Variants in KALRN observed in about 807,000 individuals in gnomAD.
KALRN encodes the protein kalirin RhoGEF kinase.
KALRN carries 70 observed loss-of-function variants against 353.7 expected under a neutral mutation model. The ratio of observed to expected loss-of-function variants is 0.20; its 90% CI spans 0.16 to 0.24. KALRN has a LOEUF of 0.24. Among genes scored for constraint, KALRN ranks in the 10% least tolerant of loss-of-function variants. The pLI is 1.00. For synonymous variants in KALRN, 1,391 were observed against 1,434.8 expected, an observed-to-expected ratio of 0.97 and a Z score of 0.69; for missense variants, 2,791 against 3,756.7, an observed-to-expected ratio of 0.74 and a Z score of 6.72.
intron 1 of KALRN, among the ~76,000 whole-genome samples, chr3:124,182,405 A>G (rs976957725): frequency 6.6e-6 from 1 of 152,150 alleles, no homozygotes; most frequent in African/African-American, 2.4e-5. Context: ...CAGTTCCTCA[A>G]GGGTTTTGGG....
intron 47 of KALRN, among the ~76,000 whole-genome samples, chr3:124,671,005 G>A (rs1042400830): frequency 2.6e-4 from 40 of 152,110 alleles, no homozygotes; most frequent in Admixed American, 2.3e-3. Context: ...CACTGGTCCC[G>A]CTCTCCTAGA....
chr3:124,425,005 C>T (rs1489460662), intron 15 of KALRN, among the ~76,000 whole-genome samples: 1 of 152,128 alleles, frequency 6.6e-6, no homozygotes, highest in African/African-American at 2.4e-5. Context: ...GAAATAGAAG[C>T]CCTCCAACAT....
At chr3:124,290,420 C>T (rs900845312) in intron 5 of KALRN, among the ~76,000 whole-genome samples, 12 of 152,054 alleles carry the variant, frequency 7.9e-5, no homozygotes, top group Non-Finnish European at 1.6e-4. Context: ...TAAAAGCAAC[C>T]ATATTTTAAG....
intron 51 of KALRN, among the ~76,000 whole-genome samples, chr3:124,692,479 G>A (rs1169241707): frequency 6.6e-6 from 1 of 152,232 alleles, no homozygotes; most frequent in Non-Finnish European, 1.5e-5. Context: ...ACAAAGATAT[G>A]CATACATACA....
chr3:124,488,005 G>T (rs570164903), intron 28 of KALRN, among the ~76,000 whole-genome samples, 199 bp from the exon 29 acceptor site: 2 of 152,170 alleles, frequency 1.3e-5, no homozygotes, highest in Non-Finnish European at 2.9e-5. Context: ...GCTAGATTGG[G>T]CTGAGAATGC....
At chr3:124,049,961 G>A (rs558578646) in intron 1 of KALRN, among the ~76,000 whole-genome samples, 2 of 152,254 alleles carry the variant, frequency 1.3e-5, no homozygotes, top group Admixed American at 6.5e-5. Context: ...TCTTTTGGAT[G>A]ACTATTTCAT....
intron 1 of KALRN, among the ~76,000 whole-genome samples, chr3:124,192,348 G>A (rs2075010110): frequency 6.6e-6 from 1 of 152,102 alleles, no homozygotes; most frequent in Admixed American, 6.5e-5. Context: ...TGAACATAGA[G>A]AGTACAAGGA....
At chr3:124,287,815 A>G (rs369889755) in intron 5 of KALRN, among the ~76,000 whole-genome samples, 36 of 23,966 alleles carry the variant, frequency 1.5e-3, no homozygotes, top group South Asian at 2.8e-3. Context: ...ATATATATAT[A>G]TATATATATA....
intron 1 of KALRN, among the ~76,000 whole-genome samples, chr3:124,075,917 G>C (rs546739089): frequency 2.6e-5 from 4 of 152,198 alleles, no homozygotes; most frequent in Non-Finnish European, 4.4e-5. Flanking sequence ...TCTGAGGCTT[G>C]TGCTCTGAGT....
At chr3:124,330,284 A>ACC (rs1224114415) in intron 8 of KALRN, among the ~76,000 whole-genome samples, 11 of 134,048 alleles carry the variant, frequency 8.2e-5, no homozygotes, top group African/African-American at 3.1e-4. Context: ...ACACACACAC[A>ACC]CACCCCATAC....
chr3:124,386,844 GC>G (rs1225769354), intron 11 of KALRN, among the ~76,000 whole-genome samples: 2 of 152,124 alleles, frequency 1.3e-5, no homozygotes, highest in Non-Finnish European at 2.9e-5. Flanking sequence ...CCTATTACTT[GC>G]CAGACACATA....
chr3:124,399,463 AGACTCTTACTT>A lies in KALRN; in HGVS notation c.2346+594_2346+604del, dbSNP rs545914405. Among the ~76,000 whole-genome samples the A allele has an allele frequency of 3.7e-4, 56 of 152,310 alleles. 2 individuals carry two copies. In the East Asian group the frequency reaches 8.5e-3, roughly 23 times the overall value. On this transcript the variant is annotated intron_variant, in intron 13 of 59. Coordinates refer to ENST00000682506, the MANE Select transcript of KALRN (RefSeq NM_001388419.1). ...AAGAAGTTTTTTATTGCTATCCGTT[AGACTCTTACTT>A]GGCATTTTCCTGAAATACCATCCAT...
At chr3:124,624,134 A>AG (rs1179604091) in intron 34 of KALRN, among the ~76,000 whole-genome samples, 1 of 152,244 alleles carries the variant, frequency 6.6e-6, no homozygotes. Context: ...CGTCCTGCCC[A>AG]GGATGTGAAT....
At chr3:124,612,502 A>G (rs2078111808) in intron 34 of KALRN, among the ~76,000 whole-genome samples, 1 of 149,754 alleles carries the variant, frequency 6.7e-6, no homozygotes, top group African/African-American at 2.5e-5. Context: ...CGCGCCCAGC[A>G]ATTTTTGTAT....
chr3:124,643,142 T>C (rs2082293580), intron 37 of KALRN, among the ~76,000 whole-genome samples: 1 of 152,022 alleles, frequency 6.6e-6, no homozygotes. Flanking sequence ...TGTAAGAAGG[T>C]AAAAGTTTAG....
chr3:124,280,357 C>T (rs975593805), intron 5 of KALRN, among the ~76,000 whole-genome samples: 2 of 152,180 alleles, frequency 1.3e-5, no homozygotes, highest in Non-Finnish European at 2.9e-5. Flanking sequence ...GCAGTCCCAT[C>T]TCTGTCTCCC....
chr3:124,686,754 T>A (rs2061575991), intron 51 of KALRN, among the ~76,000 whole-genome samples: 1 of 150,816 alleles, frequency 6.6e-6, no homozygotes. Flanking sequence ...TGATTCGTCC[T>A]GTGCTTTAGG....
intron 37 of KALRN, among the ~76,000 whole-genome samples, chr3:124,642,209 G>A (rs1302433314): frequency 6.6e-6 from 1 of 152,098 alleles, no homozygotes; most frequent in African/African-American, 2.4e-5. Context: ...GCTTGAACTC[G>A]GGAGGCAGAG....
intron 1 of KALRN, among the ~76,000 whole-genome samples, chr3:124,137,096 A>T (rs1414470096): frequency 6.6e-6 from 1 of 152,166 alleles, no homozygotes; most frequent in African/African-American, 2.4e-5. Flanking sequence ...ATAGCAGAGG[A>T]CATGGGGAGT....
Sources: gnomAD v4.1 joint callset for allele counts (sites outside exome capture counted in the v4.1 genomes callset) on GRCh38, gnomAD v4.1.1 for gene constraint, MANE v1.5 for transcripts, NCBI Gene and HGNC (gene_info 2026-07-23, HGNC 2026-07-21) for gene names.